FAF1: variants seen among roughly 807,000 people sequenced by gnomAD.
FAF1 encodes FAS-associated factor 1.
A neutral mutation model predicts 92.5 loss-of-function variants in FAF1; 25 were observed. The observed-to-expected ratio is 0.27, with a 90% CI of 0.20 to 0.38. The LOEUF (loss-of-function observed/expected upper bound fraction) is 0.38, where lower values mean the gene tolerates loss of function less well. FAF1 is among the 10% of genes least tolerant of loss of function. The probability of loss-of-function intolerance (pLI) is 1.00; values close to 1 mark genes in which losing one functional copy is unlikely to be tolerated. For missense variants in FAF1, 636 were observed against 793.3 expected, an observed-to-expected ratio of 0.80 and a Z score of 2.38; for synonymous variants, 234 against 273.2, an observed-to-expected ratio of 0.86 and a Z score of 1.42.
chr1:50,935,790 A>G (rs1645081104), intron 1 of FAF1, among the ~76,000 whole-genome samples: 1 of 152,204 alleles, frequency 6.6e-6, no homozygotes. Flanking sequence ...TCTTAAAGCT[A>G]ACACATAGAA....
intron 2 of FAF1, among the ~76,000 whole-genome samples, chr1:50,852,359 T>A (rs995456190): frequency 6.6e-6 from 1 of 152,120 alleles, no homozygotes; most frequent in Non-Finnish European, 1.5e-5. Context: ...AAAAGTAAGC[T>A]TGCTAATAAC....
rs546012486 is a variant in FAF1, at chr1:50,716,341, C to T, written c.552-10450G>A. On this transcript the variant is annotated intron_variant, in intron 6 of 18. Coordinates refer to ENST00000396153, the MANE Select transcript of FAF1 (RefSeq NM_007051.3). ...AAGAATTAGCTAAACTAACCCATAG[C>T]CCACCTATTAATACATTAATAGTAC... is the stretch of plus-strand genomic sequence containing the variant. Among the ~76,000 whole-genome samples the T allele has an allele frequency of 2.2e-3, 332 of 152,218 alleles. 5 individuals are homozygous for T. The South Asian group carries it at 0.036, about 17-fold the overall frequency.
intron 4 of FAF1, among the ~76,000 whole-genome samples, chr1:50,786,745 G>A (rs1661379054): frequency 6.6e-6 from 1 of 152,154 alleles, no homozygotes; most frequent in South Asian, 2.1e-4. Flanking sequence ...GTCCATTATG[G>A]CATAGGCATA....
chr1:50,677,818 C>A (rs1389497499), intron 7 of FAF1, among the ~76,000 whole-genome samples: 1 of 149,828 alleles, frequency 6.7e-6, no homozygotes, highest in African/African-American at 2.5e-5. Flanking sequence ...TCGCTTGAAC[C>A]CAGGAGGCGG....
chr1:50,655,715 C>T (rs1655075870), intron 7 of FAF1, among the ~76,000 whole-genome samples, 187 bp from the exon 8 acceptor site: 1 of 152,178 alleles, frequency 6.6e-6, no homozygotes, highest in South Asian at 2.1e-4. Context: ...AAAGCAGATT[C>T]TCAATGAAGA....
chr1:50,636,847 T>C (rs1654037138), intron 8 of FAF1, among the ~76,000 whole-genome samples: 1 of 152,168 alleles, frequency 6.6e-6, no homozygotes, highest in South Asian at 2.1e-4. Context: ...AAGTCATCTC[T>C]GATCTAAGAT....
intron 7 of FAF1, among the ~76,000 whole-genome samples, chr1:50,705,093 T>C (rs1318096269): frequency 6.6e-6 from 1 of 152,204 alleles, no homozygotes; most frequent in African/African-American, 2.4e-5. Context: ...CATTTCAATG[T>C]TTCTAAACAT....
chr1:50,947,677 T>C (rs1645181414), intron 1 of FAF1, among the ~76,000 whole-genome samples: 1 of 152,252 alleles, frequency 6.6e-6, no homozygotes, highest in African/African-American at 2.4e-5. Flanking sequence ...TCAAGGCCTA[T>C]ATTTTATCAC....
intron 1 of FAF1, among the ~76,000 whole-genome samples, chr1:50,875,154 GTT>G (rs1363416529): frequency 6.6e-6 from 1 of 151,674 alleles, no homozygotes; most frequent in Non-Finnish European, 1.5e-5. Context: ...TGAATCTATT[GTT>G]TTGTTACAAA....
At chr1:50,576,860 T>C (rs1422830937) in intron 12 of FAF1, among the ~76,000 whole-genome samples, 1 of 150,388 alleles carries the variant, frequency 6.6e-6, no homozygotes, top group Non-Finnish European at 1.5e-5. Context: ...GAGATGGTGA[T>C]CTCACCATGT....
intron 15 of FAF1, among the ~76,000 whole-genome samples, chr1:50,515,865 C>T (rs1029437096): frequency 4.6e-5 from 7 of 152,140 alleles, no homozygotes; most frequent in Admixed American, 4.6e-4. Flanking sequence ...CCATTTGACA[C>T]TTCCAAGCTG....
Position 50,721,443 on chromosome 1 carries a change from G to A in FAF1, c.552-15552C>T, listed in dbSNP as rs557067991. ...TTGGCCAGGATGATCTCGATCTCACGACCTCAGGATCCGCCTGCGTCGGCC... is the reference window on the plus strand; with the variant it reads ...TTGGCCAGGATGATCTCGATCTCACAACCTCAGGATCCGCCTGCGTCGGCC... On this transcript the variant is annotated intron_variant, in intron 6 of 18. Transcript: ENST00000396153. 5.3e-5 allele frequency among the ~76,000 whole-genome samples: 8 copies of A among 152,042 alleles called. No homozygotes were observed. The South Asian group carries it at 6.2e-4, about 12-fold the overall frequency.
chr1:50,796,318 G>C (rs566283895), intron 3 of FAF1, among the ~76,000 whole-genome samples: 1 of 152,150 alleles, frequency 6.6e-6, no homozygotes, highest in African/African-American at 2.4e-5. Context: ...TTTTGTTTTA[G>C]CATCAACCAC....
intron 12 of FAF1, among the ~76,000 whole-genome samples, chr1:50,568,659 T>A (rs1650280363): frequency 6.6e-6 from 1 of 152,098 alleles, no homozygotes; most frequent in African/African-American, 2.4e-5. Context: ...AAACTGAGGT[T>A]TAGAAAGCGG....
intron 7 of FAF1, among the ~76,000 whole-genome samples, chr1:50,657,763 A>G (rs529477277): frequency 1.3e-5 from 2 of 152,320 alleles, no homozygotes; most frequent in African/African-American, 4.8e-5. Context: ...CGGAAAGGAG[A>G]AACAAAAAAT....
chr1:50,686,552 G>GAGGGGAGGGGAGGGA (rs1170579186), intron 7 of FAF1, among the ~76,000 whole-genome samples: 1 of 147,808 alleles, frequency 6.8e-6, no homozygotes, highest in Non-Finnish European at 1.5e-5. Context: ...CAAAGAAGAG[G>GAGGGGAGGGGAGGGA]AGGGGAGGGG....
At chr1:50,937,582 A>G (rs187856622) in intron 1 of FAF1, among the ~76,000 whole-genome samples, 1 of 152,268 alleles carries the variant, frequency 6.6e-6, no homozygotes, top group East Asian at 1.9e-4. Context: ...ACTTTGTACC[A>G]TATGATTCTC....
At chr1:50,544,766 A>G (rs980361356) in intron 13 of FAF1, among the ~76,000 whole-genome samples, 1 of 152,194 alleles carries the variant, frequency 6.6e-6, no homozygotes, top group African/African-American at 2.4e-5. Context: ...TGTAATATAA[A>G]ATAGAGTGGT....
At chr1:50,820,087 T>G (rs1227101943) in intron 2 of FAF1, among the ~76,000 whole-genome samples, 5 of 151,624 alleles carry the variant, frequency 3.3e-5, no homozygotes, top group African/African-American at 1.2e-4. Flanking sequence ...AGTAGTTGAA[T>G]TCACAGACAC....
Sources: allele counts gnomAD v4.1 joint callset (sites outside exome capture counted in the v4.1 genomes callset), GRCh38; gene constraint gnomAD v4.1.1; transcripts MANE v1.5; gene names NCBI Gene and HGNC (gene_info 2026-07-23, HGNC 2026-07-21).